PEMT: variants seen among roughly 807,000 people sequenced by gnomAD.
PEMT encodes phosphatidylethanolamine N-methyltransferase, also known as phospholipid methyltransferase.
PEMT carries 23 observed loss-of-function variants against 27.4 expected under a neutral mutation model. The ratio of observed to expected loss-of-function variants is 0.84; its 90% confidence interval spans 0.60 to 1.19. PEMT has a LOEUF of 1.19. Among genes scored for constraint, PEMT ranks in the 50% most tolerant of loss-of-function variants. The pLI is 0.00. For synonymous variants in PEMT, 137 were observed against 139.1 expected (o/e 0.98, Z 0.11); for missense variants, 307 against 310.1 (o/e 0.99, Z 0.07).
chr17:17,507,373 G>A (rs559603572), intron 5 of PEMT: 1 of 640,992 alleles, frequency 1.6e-6, no homozygotes, highest in East Asian at 2.7e-5. Context: ...AGAACCTCAG[G>A]CAGGGCTGGA....
chr17:17,590,151 G>A (rs1026668639), intron 1 of PEMT, among the ~76,000 whole-genome samples: 1 of 151,992 alleles, frequency 6.6e-6, no homozygotes, highest in African/African-American at 2.4e-5. Context: ...AACAGATACA[G>A]GTTCACCTGG....
chr17:17,555,865 G>A (rs1175117252), intron 2 of PEMT, among the ~76,000 whole-genome samples: 2 of 152,238 alleles, frequency 1.3e-5, no homozygotes, highest in Admixed American at 6.5e-5. Flanking sequence ...GGCTCCCATA[G>A]AAGGAGGGGG....
upstream of PEMT, chr17:17,591,755 C>T (rs1382158676): frequency 4.1e-6 from 6 of 1,451,946 alleles, no homozygotes; most frequent in Non-Finnish European, 4.5e-6. Flanking sequence ...ATATTCCGGC[C>T]TTCTGGGAAA....
intron 2 of PEMT, among the ~76,000 whole-genome samples, chr17:17,559,118 G>C (rs1054200205): frequency 1.3e-5 from 2 of 152,168 alleles, no homozygotes; most frequent in African/African-American, 4.8e-5. Flanking sequence ...AGGAAACTGA[G>C]TCCCAGAGGC....
chr17:17,591,521 C>T lies in PEMT; in HGVS notation c.96+10G>A. The T allele has an allele frequency of 1.3e-6, 2 of 1,599,466 alleles. No individual in the cohort carries two copies. The highest frequency in any genetic ancestry group is 2.3e-5 in the East Asian group (1 of 44,346). The stretch of plus-strand genomic sequence containing the variant: ...TCCCAGTTTCCGCGGCGGTCCGGTG[C>T]GGTCAGTACCTGTCTAAAATCAATA... On this transcript the variant is annotated intron_variant, in intron 1 of 6. Transcript: ENST00000255389.
chr17:17,541,489 G>A (rs1377792288), intron 2 of PEMT, among the ~76,000 whole-genome samples: 2 of 152,234 alleles, frequency 1.3e-5, no homozygotes, highest in Non-Finnish European at 2.9e-5. Context: ...CGCAGCAGCA[G>A]CGGGGCATGG....
At chr17:17,509,624 G>T in intron 4 of PEMT, 79 bp from the exon 5 acceptor site, 1 of 1,012,078 alleles carries the variant, frequency 9.9e-7, no homozygotes, top group Non-Finnish European at 1.6e-6. Flanking sequence ...CCCCAGAGCG[G>T]GCTGTGGCGA....
At chr17:17,509,767 G>A (rs927351348) in intron 4 of PEMT, among the ~76,000 whole-genome samples, 19 of 152,122 alleles carry the variant, frequency 1.2e-4, no homozygotes, top group South Asian at 2.1e-4. Flanking sequence ...GCTGAGCACC[G>A]CCCCTGCCCC....
intron 2 of PEMT, among the ~76,000 whole-genome samples, chr17:17,553,469 C>G (rs1392321771): frequency 1.3e-5 from 2 of 152,238 alleles, no homozygotes; most frequent in Non-Finnish European, 2.9e-5. Context: ...CCAGCGGCCA[C>G]CCGGGTCTGC....
chr17:17,516,078 C>T (rs1323306485), intron 3 of PEMT, among the ~76,000 whole-genome samples: 2 of 152,154 alleles, frequency 1.3e-5, no homozygotes, highest in Non-Finnish European at 2.9e-5. Context: ...TGCAGCCGAC[C>T]AGAAACACTT....
intron 5 of PEMT, chr17:17,507,295 G>A: frequency 9.9e-7 from 1 of 1,013,200 alleles, no homozygotes; most frequent in Non-Finnish European, 1.5e-6. Flanking sequence ...GGCAGGCCTG[G>A]GCCAGGGGCT....
chr17:17,522,763 G>C (rs573895609), intron 2 of PEMT, among the ~76,000 whole-genome samples: 11 of 152,148 alleles, frequency 7.2e-5, no homozygotes, highest in Non-Finnish European at 1.6e-4. Context: ...GCTGCTGAGT[G>C]CATCCCACAG....
In PEMT at chr17:17,513,266, G is replaced by C. The variant is rs1906556144; in HGVS notation, c.321-612C>G. Reference sequence around the variant, plus strand: ...CCTCCACACCTGAATTCCCCCACTAGGCTCCCTTTGGGGCCAAACCACTGA... The same window carrying C: ...CCTCCACACCTGAATTCCCCCACTACGCTCCCTTTGGGGCCAAACCACTGA... On this transcript the variant is annotated intron_variant, in intron 3 of 6. Coordinates refer to ENST00000255389, the MANE Select transcript of PEMT (RefSeq NM_148172.3). The surrounding 1 kb of genome is among the most constrained non-coding windows in gnomAD (Gnocchi z 4.1). Among the ~76,000 whole-genome samples the C allele has an allele frequency of 6.6e-6, 1 of 152,214 alleles. No individual in the cohort carries two copies. The highest frequency in any genetic ancestry group is 1.5e-5 in the Non-Finnish European group (1 of 68,034).
chr17:17,586,255 AG>A (rs1290142226), intron 1 of PEMT, among the ~76,000 whole-genome samples: 8 of 114,612 alleles, frequency 7.0e-5, no homozygotes, highest in African/African-American at 2.8e-4. Flanking sequence ...AAAGAAAGAA[AG>A]AAAGAAAGAA....
chr17:17,507,211 G>C (rs1243188730), intron 5 of PEMT: 3 of 1,552,116 alleles, frequency 1.9e-6, no homozygotes, highest in Middle Eastern at 1.7e-4. Context: ...TGCTGCCAGG[G>C]AGGAGGGAGG....
rs1905772091 is a variant in PEMT, at chr17:17,505,737, C to T, written c.*54G>A. On this transcript the variant is annotated 3_prime_UTR_variant, in exon 7 of 7. Transcript: ENST00000255389. ...TTCTCGCCCTGCGCAGGGCCTGCCA[C>T]TTGGGGCAGGCCAGGAGGCTGGCCA... is the stretch of plus-strand genomic sequence containing the variant. 6.5e-7 allele frequency: 1 copy of T among 1,541,886 alleles called. No individual in the cohort carries two copies. The highest frequency in any genetic ancestry group is 1.4e-5 in the African/African-American group (1 of 71,918).
rs564336412 is a variant in PEMT at position 17,513,464 on chromosome 17, G to A, written c.321-810C>T. Among the ~76,000 whole-genome samples, 7 of 152,304 alleles carry A rather than the reference G, an allele frequency of 4.6e-5. No individual in the cohort carries two copies. In the East Asian group the frequency reaches 1.2e-3, roughly 25 times the overall value. The stretch of plus-strand genomic sequence containing the variant: ...ATACAAAAATTAGCTGGGTGTGGTG[G>A]TGGGCACCTGGAATCCCAGCTACTT... On this transcript the variant is annotated intron_variant, in intron 3 of 6. Transcript: ENST00000255389. The surrounding 1 kb of genome is among the most constrained non-coding windows in gnomAD (Gnocchi z 4.1).
chr17:17,588,762 C>T (rs1015371854), intron 1 of PEMT, among the ~76,000 whole-genome samples: 1 of 152,242 alleles, frequency 6.6e-6, no homozygotes, highest in East Asian at 1.9e-4. Flanking sequence ...GGAGGTGCCC[C>T]GGCCTGTGGA....
intron 2 of PEMT, among the ~76,000 whole-genome samples, chr17:17,530,495 A>G (rs994453199): frequency 2.7e-5 from 4 of 150,598 alleles, no homozygotes; most frequent in Admixed American, 6.6e-5. Context: ...TCCGTCTCCA[A>G]AAAAAAAGAG....
Sources: gnomAD v4.1 joint callset for allele counts (sites outside exome capture counted in the v4.1 genomes callset) on GRCh38, gnomAD v4.1.1 for gene constraint, Gnocchi (gnomAD v3.1) non-coding constraint, MANE v1.5 for transcripts, NCBI Gene and HGNC (gene_info 2026-07-23, HGNC 2026-07-21) for gene names.